Variants in DGKI observed in about 807,000 individuals in gnomAD.
The protein encoded by DGKI is diacylglycerol kinase iota.
A neutral mutation model predicts 147.5 loss-of-function variants in DGKI; 55 were observed. The ratio of observed to expected loss-of-function variants is 0.37; its 90% CI spans 0.30 to 0.47. The LOEUF (loss-of-function observed/expected upper bound fraction) is 0.47, where lower values mean the gene tolerates loss of function less well. Among genes scored for constraint, DGKI ranks in the 20% least tolerant of loss-of-function variants. The pLI is 1.00. For synonymous variants in DGKI, 469 were observed against 477.1 expected (o/e 0.98, Z 0.22); for missense variants, 1,007 against 1,323.8 (o/e 0.76, Z 3.71).
chr7:137,588,474 GC>G (rs931220336), intron 12 of DGKI, among the ~76,000 whole-genome samples: 3 of 129,226 alleles, frequency 2.3e-5, no homozygotes, highest in African/African-American at 1.1e-4. Flanking sequence ...ACATACCGAT[GC>G]TTTTTTTTTT....
In DGKI at chr7:137,545,988, G is replaced by A. The variant is rs781289670; in HGVS notation, c.2147+6381C>T. ...CTAGAGGCAGCAGGGAATGAGCAGC[G>A]AAGACAGAGTCAGCGACAGCGTGGA... On this transcript the variant is annotated intron_variant, in intron 20 of 32. Transcript: ENST00000614521. 19 of 700,768 alleles carry A rather than the reference G, an allele frequency of 2.7e-5. No individual in the cohort carries two copies. The East Asian group carries it at 3.8e-4, about 14-fold the overall frequency. The allele number at this position is 700,768 out of a possible 1,614,324, so 43.4% of individuals were successfully genotyped here. A position where few individuals can be genotyped will look rare whatever the true frequency, so the allele number is the denominator to read the frequency against.
At chr7:137,720,203 G>T (rs1452653763) in intron 1 of DGKI, among the ~76,000 whole-genome samples, 1 of 148,856 alleles carries the variant, frequency 6.7e-6, no homozygotes, top group Non-Finnish European at 1.5e-5. Context: ...AACTAGAAGT[G>T]CAATCTAAAA....
At chr7:137,762,579 T>C in intron 1 of DGKI, among the ~76,000 whole-genome samples, 1 of 152,240 alleles carries the variant, frequency 6.6e-6, no homozygotes, top group East Asian at 1.9e-4. Context: ...ATCATTATAG[T>C]TGCTGCCTGA....
chr7:137,561,007 G>A (rs990833272), intron 19 of DGKI, among the ~76,000 whole-genome samples: 22 of 152,144 alleles, frequency 1.4e-4, no homozygotes, highest in African/African-American at 4.8e-4. Context: ...ACCATGGAGA[G>A]GAATATGGAG....
chr7:137,590,278 T>C (rs1187683595), intron 12 of DGKI, among the ~76,000 whole-genome samples: 1 of 152,110 alleles, frequency 6.6e-6, no homozygotes, highest in Non-Finnish European at 1.5e-5. Flanking sequence ...CAGTCTGAGG[T>C]CATGGCCCAC....
Position 137,838,878 on chromosome 7 carries a change from G to A in DGKI, c.401+7584C>T, listed in dbSNP as rs532305740. On this transcript the variant is annotated intron_variant, in intron 1 of 32. Coordinates refer to ENST00000614521, the MANE Select transcript of DGKI (RefSeq NM_001321708.2). The stretch of plus-strand genomic sequence containing the variant: ...ATAATCCAGGGCAGGTAGCATCTGC[G>A]AAGCTTCTTTCTGTGATTGCCAGGG... Among the ~76,000 whole-genome samples the A allele has an allele frequency of 1.4e-3, 211 of 152,300 alleles. 1 individual carries two copies. Among genetic ancestry groups the A allele is most frequent in the Non-Finnish European group, 2.6e-3 (178 of 68,024 alleles).
chr7:137,455,643 G>GA (rs1357556984), intron 27 of DGKI, among the ~76,000 whole-genome samples: 2 of 121,492 alleles, frequency 1.6e-5, no homozygotes, highest in Admixed American at 1.8e-4. Flanking sequence ...AAAAAAAGGG[G>GA]GGGGGGCGGG....
At chr7:137,742,227 C>G (rs546206937) in intron 1 of DGKI, among the ~76,000 whole-genome samples, 4 of 152,238 alleles carry the variant, frequency 2.6e-5, no homozygotes, top group Admixed American at 2.6e-4. Context: ...ACTGCCATCC[C>G]TCCTTCCACC....
intron 18 of DGKI, among the ~76,000 whole-genome samples, chr7:137,571,596 G>A (rs757261195): frequency 1.3e-5 from 2 of 152,166 alleles, no homozygotes; most frequent in African/African-American, 2.4e-5. Context: ...TTATCTATAG[G>A]TGGTTTCAGA....
At chr7:137,753,579 G>C (rs1233343960) in intron 1 of DGKI, among the ~76,000 whole-genome samples, 1 of 152,188 alleles carries the variant, frequency 6.6e-6, no homozygotes, top group Non-Finnish European at 1.5e-5. Flanking sequence ...GAGAGGAACG[G>C]GTTGTAAAGT....
intron 23 of DGKI, among the ~76,000 whole-genome samples, chr7:137,472,402 TATA>T (rs1310623231): frequency 1.5e-5 from 2 of 134,244 alleles, no homozygotes; most frequent in Non-Finnish European, 3.1e-5. Context: ...TTATAATTAT[TATA>T]TGTATATATA....
chr7:137,597,780 A>C, intron 12 of DGKI, 67 bp downstream of exon 12: 1 of 1,430,316 alleles, frequency 7.0e-7, no homozygotes, highest in Non-Finnish European at 9.8e-7. Context: ...AATAAAAAGA[A>C]GTGCCACAAG....
At chr7:137,474,757 T>C (rs1172717355) in intron 23 of DGKI, among the ~76,000 whole-genome samples, 2 of 152,066 alleles carry the variant, frequency 1.3e-5, no homozygotes, top group Non-Finnish European at 2.9e-5. Flanking sequence ...GGCGAGAGAT[T>C]GTATGGGATC....
At chr7:137,819,876 T>C (rs2117030173) in intron 1 of DGKI, among the ~76,000 whole-genome samples, 1 of 152,300 alleles carries the variant, frequency 6.6e-6, no homozygotes, top group South Asian at 2.1e-4. Flanking sequence ...TCCATTACTA[T>C]TCCTTGTCCC....
intron 6 of DGKI, among the ~76,000 whole-genome samples, chr7:137,629,126 G>C (rs1342408981): frequency 6.6e-6 from 1 of 151,560 alleles, no homozygotes; most frequent in Non-Finnish European, 1.5e-5. Context: ...CAAACCCATG[G>C]AATTATAAAA....
intron 1 of DGKI, among the ~76,000 whole-genome samples, chr7:137,776,024 A>G (rs957301517): frequency 1.2e-4 from 19 of 152,010 alleles, no homozygotes; most frequent in Non-Finnish European, 4.4e-5. Flanking sequence ...ATGCTTAGCT[A>G]ATTTTGTATT....
At chr7:137,476,293 A>G (rs1191890504) in intron 23 of DGKI, among the ~76,000 whole-genome samples, 8 of 152,152 alleles carry the variant, frequency 5.3e-5, no homozygotes, top group African/African-American at 1.9e-4. Context: ...AAAATCACTG[A>G]ACCACATTTT....
intron 21 of DGKI, among the ~76,000 whole-genome samples, chr7:137,508,883 C>G (rs1816470483): frequency 6.6e-6 from 1 of 152,052 alleles, no homozygotes; most frequent in Non-Finnish European, 1.5e-5. Flanking sequence ...TGGACAGATA[C>G]TTTGCTGATG....
Position 137,552,541 on chromosome 7 carries a change from C to G in DGKI, c.1975G>C (p.Glu659Gln). The G allele has an allele frequency of 6.2e-7, 1 of 1,614,148 alleles. No individual in the cohort carries two copies. The highest frequency in any genetic ancestry group is 8.5e-7 in the Non-Finnish European group (1 of 1,180,032). Residue 659 changes from glutamate to glutamine, a missense_variant, in exon 20 of 33, where the codon GAG becomes CAG. Glu to Gln is a conservative substitution (Grantham distance 29). This residue lies in a region of DGKI where 224 missense variants were observed against 382.7 expected (regional missense o/e 0.59). Transcript: ENST00000614521. ...ACTTCTCGACACTGGTGTAGCCTCT[C>G]TCCATGGCCCCCAACTTGCAGGGCT... Reference protein sequence around the residue: ...LAALQVGGHGERLHQCREVML... With the variant: ...LAALQVGGHGQRLHQCREVML...
Sources: gnomAD v4.1 joint callset for allele counts (sites outside exome capture counted in the v4.1 genomes callset) on GRCh38, gnomAD v4.1.1 for gene constraint, gnomAD v4.1.1 regional missense constraint, MANE v1.5 for transcripts, NCBI Gene and HGNC (gene_info 2026-07-23, HGNC 2026-07-21) for gene names.